ERC2: variants seen among roughly 807,000 people sequenced by gnomAD.
ERC2 encodes the protein ERC protein 2.
A neutral mutation model predicts 114.8 loss-of-function variants in ERC2; 42 were observed. The observed-to-expected ratio is 0.37, with a 90% CI of 0.29 to 0.47. ERC2 has a LOEUF of 0.47. ERC2 is among the 20% of genes least tolerant of loss of function. The probability of loss-of-function intolerance (pLI) is 0.99; values close to 1 mark genes in which losing one functional copy is unlikely to be tolerated. For missense variants in ERC2, 939 were observed against 1,150.7 expected (o/e 0.82, Z 2.66); for synonymous variants, 454 against 425.5 (o/e 1.07, Z -0.82).
Position 55,919,821 on chromosome 3 carries a change from A to G in ERC2, c.2403+30604T>C, listed in dbSNP as rs569534359. On this transcript the variant is annotated intron_variant, in intron 13 of 17. Transcript: ENST00000288221. ...AGCCAGTGGCTATCAGGGGAAGGGC[A>G]TTTTAGGCAAAGGGAATTGCAAGTG... 5.3e-5 allele frequency among the ~76,000 whole-genome samples: 8 copies of G among 152,284 alleles called. No homozygotes were observed. In the South Asian group the frequency reaches 1.7e-3, roughly 32 times the overall value.
intron 17 of ERC2, among the ~76,000 whole-genome samples, chr3:55,549,088 T>C (rs1296349727): frequency 1.3e-5 from 2 of 152,208 alleles, no homozygotes; most frequent in Non-Finnish European, 2.9e-5. Context: ...TCCATACTTA[T>C]TTATTACAGA....
At chr3:56,080,404 A>G (rs1310057989) in intron 7 of ERC2, among the ~76,000 whole-genome samples, 1 of 152,176 alleles carries the variant, frequency 6.6e-6, no homozygotes, top group Non-Finnish European at 1.5e-5. Flanking sequence ...CCAAAAATCT[A>G]TATGGGCTTC....
intron 7 of ERC2, among the ~76,000 whole-genome samples, chr3:56,063,941 T>C (rs547842619): frequency 2.0e-5 from 3 of 152,322 alleles, no homozygotes; most frequent in Admixed American, 1.3e-4. Context: ...TATAACATCA[T>C]GTCTACTGGC....
At chr3:55,834,547 G>A (rs561388606) in intron 14 of ERC2, among the ~76,000 whole-genome samples, 3 of 151,982 alleles carry the variant, frequency 2.0e-5, no homozygotes, top group South Asian at 2.1e-4. Context: ...AAATAAAGAT[G>A]TTCTTTGAAA....
At chr3:56,410,800 T>G (rs879558571) in intron 2 of ERC2, among the ~76,000 whole-genome samples, 5 of 152,120 alleles carry the variant, frequency 3.3e-5, no homozygotes, top group Non-Finnish European at 7.4e-5. Flanking sequence ...ACTCCAAGTA[T>G]CTTGATTACA....
chr3:56,090,253 C>G (rs960379709), intron 6 of ERC2, among the ~76,000 whole-genome samples: 2 of 152,140 alleles, frequency 1.3e-5, no homozygotes, highest in African/African-American at 4.8e-5. Flanking sequence ...CATCTCTTAC[C>G]CTATGCTTGG....
At chr3:55,724,304 G>T in intron 15 of ERC2, among the ~76,000 whole-genome samples, 1 of 152,200 alleles carries the variant, frequency 6.6e-6, no homozygotes, top group East Asian at 1.9e-4. Flanking sequence ...GGCCAGGCGA[G>T]AAGGGTCAGG....
At chr3:56,043,451 G>A (rs1323328668) in intron 7 of ERC2, among the ~76,000 whole-genome samples, 1 of 151,898 alleles carries the variant, frequency 6.6e-6, no homozygotes, top group Non-Finnish European at 1.5e-5. Flanking sequence ...ATTTGTAATG[G>A]ACTTCTTTAT....
chr3:56,001,753 C>T (rs902605771), intron 10 of ERC2, among the ~76,000 whole-genome samples: 3 of 152,128 alleles, frequency 2.0e-5, no homozygotes, highest in Non-Finnish European at 4.4e-5. Flanking sequence ...GCTGCAGGAA[C>T]AAGGCTCTCC....
Position 55,799,167 on chromosome 3 carries a change from G to C in ERC2, c.2565-64249C>G, listed in dbSNP as rs150052246. Among the ~76,000 whole-genome samples, 24 of 151,898 alleles carry C rather than the reference G, an allele frequency of 1.6e-4. No individual in the cohort carries two copies. The East Asian group carries it at 4.7e-3, about 30-fold the overall frequency. On this transcript the variant is annotated intron_variant, in intron 14 of 17. Transcript: ENST00000288221. Reference sequence around the variant, plus strand: ...CAAAGCTGATCCAGCAACCACCATGGCTCAATGTATAAAGTGCTACTGCAA... The same window carrying C: ...CAAAGCTGATCCAGCAACCACCATGCCTCAATGTATAAAGTGCTACTGCAA...
chr3:56,124,523 T>C (rs2079767435), intron 6 of ERC2, among the ~76,000 whole-genome samples: 1 of 152,104 alleles, frequency 6.6e-6, no homozygotes, highest in African/African-American at 2.4e-5. Flanking sequence ...TCCCAAACCT[T>C]GTAAAGATTC....
intron 14 of ERC2, among the ~76,000 whole-genome samples, chr3:55,875,347 A>G (rs1451882455): frequency 3.3e-5 from 5 of 152,220 alleles, no homozygotes; most frequent in African/African-American, 1.2e-4. Flanking sequence ...CACTGGCTGC[A>G]GTGCACTCTG....
intron 14 of ERC2, among the ~76,000 whole-genome samples, chr3:55,856,045 T>C (rs2061770520): frequency 6.6e-6 from 1 of 152,222 alleles, no homozygotes; most frequent in South Asian, 2.1e-4. Context: ...CAGGCTCTTC[T>C]TGGCACCACT....
chr3:55,519,649 C>CCATCTGGGTTTGATGG (rs1242633422), intron 17 of ERC2, among the ~76,000 whole-genome samples: 1 of 152,138 alleles, frequency 6.6e-6, no homozygotes, highest in Non-Finnish European at 1.5e-5. Flanking sequence ...ATCTCTTCTG[C>CCATCTGGGTTTGATGG]CATCTGGGTT....
At chr3:56,275,903 A>G (rs184770557) in intron 3 of ERC2, among the ~76,000 whole-genome samples, 1 of 152,330 alleles carries the variant, frequency 6.6e-6, no homozygotes, top group East Asian at 1.9e-4. Context: ...CTACATGAGG[A>G]CAAGCCCCCA....
chr3:56,193,834 T>G (rs969975294), intron 3 of ERC2, among the ~76,000 whole-genome samples: 1 of 152,180 alleles, frequency 6.6e-6, no homozygotes, highest in African/African-American at 2.4e-5. Context: ...GCCCAAATGC[T>G]GGATCTCATA....
chr3:56,183,329 T>A (rs181141452), intron 3 of ERC2, among the ~76,000 whole-genome samples: 2 of 152,330 alleles, frequency 1.3e-5, no homozygotes, highest in East Asian at 1.9e-4. Flanking sequence ...TAGAGTGAGA[T>A]CCTGTCCTCT....
chr3:56,424,845 T>A lies in ERC2; in HGVS notation c.657+9506A>T, dbSNP rs549138667. Among the ~76,000 whole-genome samples the A allele has an allele frequency of 2.6e-5, 4 of 152,312 alleles. No individual in the cohort carries two copies. The South Asian group carries it at 8.3e-4, about 32-fold the overall frequency. On this transcript the variant is annotated intron_variant, in intron 2 of 17. Coordinates refer to ENST00000288221, the MANE Select transcript of ERC2 (RefSeq NM_015576.3). ...TTCAGCATTCCAAGGTATGTTGTGG[T>A]GCTAAACTATATTATCCAGTTCTAA...
intron 17 of ERC2, among the ~76,000 whole-genome samples, chr3:55,641,754 A>C (rs1431173640): frequency 6.6e-6 from 1 of 152,002 alleles, no homozygotes; most frequent in Non-Finnish European, 1.5e-5. Context: ...GTTATCATGA[A>C]TAAGGTGTTA....
Sources: gnomAD v4.1 joint callset for allele counts (sites outside exome capture counted in the v4.1 genomes callset) on GRCh38, gnomAD v4.1.1 for gene constraint, MANE v1.5 for transcripts, NCBI Gene and HGNC (gene_info 2026-07-23, HGNC 2026-07-21) for gene names.